The following MAGI1 variants were observed in gnomAD, a reference collection of about 807,000 sequenced individuals.
MAGI1 encodes the protein membrane-associated guanylate kinase, WW and PDZ domain-containing protein 1.
MAGI1 carries 58 observed loss-of-function variants against 139.9 expected under a neutral mutation model. The ratio of observed to expected loss-of-function variants is 0.41; its 90% CI spans 0.34 to 0.52. The LOEUF (loss-of-function observed/expected upper bound fraction) is 0.52, where lower values mean the gene tolerates loss of function less well. MAGI1 is among the 20% of genes least tolerant of loss of function. The pLI is 0.12. For synonymous variants in MAGI1, 812 were observed against 737.9 expected (o/e 1.10, Z -1.63); for missense variants, 1,874 against 1,901.6 (o/e 0.99, Z 0.27).
chr3:65,679,426 G>A (rs1048353584), intron 1 of MAGI1, among the ~76,000 whole-genome samples: 15 of 152,072 alleles, frequency 9.9e-5, no homozygotes, highest in African/African-American at 2.9e-4. Flanking sequence ...GGCCGGGCAC[G>A]GTGGCTCACA....
chr3:65,435,614 T>A (rs921944460), intron 10 of MAGI1, among the ~76,000 whole-genome samples: 1 of 152,102 alleles, frequency 6.6e-6, no homozygotes, highest in Non-Finnish European at 1.5e-5. Context: ...AAACAGAGAA[T>A]CATAGTCTCT....
At position 65,406,017 on chromosome 3, in the gene MAGI1, C is replaced by T. The variant is rs1210807627; in HGVS notation, c.2168-4547G>A. 3.3e-5 allele frequency among the ~76,000 whole-genome samples: 5 copies of T among 152,336 alleles called. No individual in the cohort carries two copies. The South Asian group carries it at 8.3e-4, about 25-fold the overall frequency. On this transcript the variant is annotated intron_variant, in intron 12 of 22. Transcript: ENST00000402939. ...CTGGGATTACAGGCGTGAGCCGCCA[C>T]GCCCGGCCTCTATACTGCTTTTTAA...
chr3:65,360,497 G>A (rs1940730317), intron 22 of MAGI1: 2 of 984,940 alleles, frequency 2.0e-6, no homozygotes, highest in South Asian at 9.4e-5. Context: ...TATGACAAAG[G>A]AACTCTATGT....
At chr3:65,728,883 G>A (rs1357603085) in intron 1 of MAGI1, among the ~76,000 whole-genome samples, 1 of 151,760 alleles carries the variant, frequency 6.6e-6, no homozygotes, top group Non-Finnish European at 1.5e-5. Flanking sequence ...AAATAGTAAG[G>A]CTTTACTGTG....
At chr3:65,517,597 C>T (rs1576150943) in intron 2 of MAGI1, among the ~76,000 whole-genome samples, 1 of 152,148 alleles carries the variant, frequency 6.6e-6, no homozygotes, top group Non-Finnish European at 1.5e-5. Flanking sequence ...CTGTTCCTGT[C>T]AGTATGTCCC....
At chr3:65,591,553 G>A (rs906017937) in intron 2 of MAGI1, among the ~76,000 whole-genome samples, 1 of 152,162 alleles carries the variant, frequency 6.6e-6, no homozygotes, top group East Asian at 1.9e-4. Context: ...TACCTTCAGT[G>A]AGGCTTTGTG....
intron 22 of MAGI1, chr3:65,359,097 A>G: frequency 6.2e-7 from 1 of 1,614,190 alleles, no homozygotes; most frequent in East Asian, 2.2e-5. Flanking sequence ...GGTAGAAGCA[A>G]GCCTCCCCGA....
intron 2 of MAGI1, among the ~76,000 whole-genome samples, chr3:65,614,038 G>A (rs867388682): frequency 6.6e-4 from 100 of 152,216 alleles, no homozygotes; most frequent in Middle Eastern, 6.8e-3. Context: ...AGATAATGAG[G>A]AAACTGAGTC....
At position 65,356,892 on chromosome 3, in the gene MAGI1, C is replaced by G; in HGVS notation, c.3875G>C (p.Gly1292Ala). 6.2e-7 allele frequency: 1 copy of G among 1,614,150 alleles called. No homozygotes were observed. Among genetic ancestry groups the G allele is most frequent in the Non-Finnish European group, 8.5e-7 (1 of 1,179,984 alleles). Reference protein sequence around the residue: ...WNGTSRKPDSGACRPKDRAPE... With the variant: ...WNGTSRKPDSAACRPKDRAPE... ...CGCCCGGTCCTTGGGTCGGCATGCC[C>G]CGCTGTCGGGTTTCCTCGAAGTCCC... The change falls in exon 23 of 23, where the codon GGG becomes GCG. Residue 1292 changes from glycine (G) to alanine (A), a missense_variant. By Grantham distance (60) the Gly-to-Ala change is moderately conservative (BLOSUM62 0). Coordinates refer to ENST00000402939, the MANE Select transcript of MAGI1 (RefSeq NM_001033057.2).
At chr3:65,528,031 GCTT>G (rs1243122180) in intron 2 of MAGI1, among the ~76,000 whole-genome samples, 2 of 152,094 alleles carry the variant, frequency 1.3e-5, no homozygotes, top group Non-Finnish European at 2.9e-5. Flanking sequence ...TTTACAGACT[GCTT>G]TTTTTCAGTT....
intron 1 of MAGI1, among the ~76,000 whole-genome samples, chr3:65,926,620 C>T (rs1394887369): frequency 6.6e-6 from 1 of 152,118 alleles, no homozygotes; most frequent in Non-Finnish European, 1.5e-5. Flanking sequence ...TGAGAGTGAC[C>T]TCTGGTTGTC....
At chr3:65,632,690 T>C (rs1383858603) in intron 1 of MAGI1, among the ~76,000 whole-genome samples, 1 of 152,222 alleles carries the variant, frequency 6.6e-6, no homozygotes, top group Non-Finnish European at 1.5e-5. Flanking sequence ...TCAATTCTGC[T>C]TCTGTAGTGT....
chr3:65,750,856 T>A (rs912797949), intron 1 of MAGI1, among the ~76,000 whole-genome samples: 1 of 152,196 alleles, frequency 6.6e-6, no homozygotes, highest in Non-Finnish European at 1.5e-5. Context: ...ATACGAAACA[T>A]AGTACTACTT....
chr3:65,975,221 A>C (rs1289394908), intron 1 of MAGI1, among the ~76,000 whole-genome samples: 1 of 152,186 alleles, frequency 6.6e-6, no homozygotes, highest in Non-Finnish European at 1.5e-5. Flanking sequence ...CATTCTAAAA[A>C]TTCAAGACTT....
chr3:65,570,506 A>G (rs936944903), intron 2 of MAGI1, among the ~76,000 whole-genome samples: 2 of 152,210 alleles, frequency 1.3e-5, no homozygotes, highest in East Asian at 1.9e-4. Context: ...AAGTTGCACT[A>G]AAGTATAAAG....
intron 1 of MAGI1, among the ~76,000 whole-genome samples, chr3:65,768,117 G>A (rs1348730712): frequency 6.6e-6 from 1 of 152,126 alleles, no homozygotes; most frequent in East Asian, 1.9e-4. Context: ...TACACAAGTT[G>A]CTTAAAAAAT....
At chr3:65,938,670 C>T (rs1261750699) in intron 1 of MAGI1, among the ~76,000 whole-genome samples, 2 of 152,126 alleles carry the variant, frequency 1.3e-5, no homozygotes, top group South Asian at 2.1e-4. Flanking sequence ...GAAGATTTCT[C>T]GTAATAAACC....
intron 14 of MAGI1, among the ~76,000 whole-genome samples, chr3:65,386,240 C>A: frequency 1.8e-5 from 1 of 56,166 alleles, no homozygotes; most frequent in East Asian, 5.1e-4. Flanking sequence ...ACCGTTTAGG[C>A]CACATGGAAA....
intron 13 of MAGI1, among the ~76,000 whole-genome samples, chr3:65,400,909 A>C (rs752822254): frequency 3.9e-5 from 6 of 151,932 alleles, no homozygotes; most frequent in Non-Finnish European, 8.8e-5. Flanking sequence ...CCATCTGAGC[A>C]TGGTCACATA....
Sources: gnomAD v4.1 joint callset for allele counts (sites outside exome capture counted in the v4.1 genomes callset) on GRCh38, gnomAD v4.1.1 for gene constraint, MANE v1.5 for transcripts, NCBI Gene and HGNC (gene_info 2026-07-23, HGNC 2026-07-21) for gene names.